Variants in OR51C1 observed in about 807,000 individuals in gnomAD.
OR51C1 encodes the protein olfactory receptor family 51 subfamily C member 1, also known as olfactory receptor OR51C1.
chr11:4,692,268 T>A, the OR51C1 span: 1 of 360,862 alleles, frequency 2.8e-6, no homozygotes, highest in Non-Finnish European at 5.5e-6. Context: ...GACAAATAAA[T>A]GGCTTCAGCA....
chr11:4,693,171 C>T, the OR51C1 span, among the ~76,000 whole-genome samples: 1 of 152,152 alleles, frequency 6.6e-6, no homozygotes, highest in Non-Finnish European at 1.5e-5. Context: ...TTGATTTGGT[C>T]ATTCCACAAT....
the OR51C1 span, among the ~76,000 whole-genome samples, chr11:4,693,873 C>T: frequency 2.5e-3 from 381 of 152,234 alleles, 1 homozygote; most frequent in Non-Finnish European, 4.2e-3. Context: ...AAATAAAACC[C>T]CACTTAGAGA....
chr11:4,696,379 A>G, the OR51C1 span, among the ~76,000 whole-genome samples: 1 of 152,200 alleles, frequency 6.6e-6, no homozygotes. Context: ...GTGTGCACAC[A>G]CATACCCTCC....
At chr11:4,694,801 G>T in the OR51C1 span, among the ~76,000 whole-genome samples, 5 of 152,142 alleles carry the variant, frequency 3.3e-5, no homozygotes, top group African/African-American at 1.2e-4. Context: ...ATAGTGTGGA[G>T]TGGCAGATTT....
chr11:4,696,791 T>A, the OR51C1 span, among the ~76,000 whole-genome samples: 1 of 152,340 alleles, frequency 6.6e-6, no homozygotes, highest in East Asian at 1.9e-4. Flanking sequence ...TGCACTATTA[T>A]AAGCTATAGC....
At chr11:4,697,673 G>T in the OR51C1 span, 2 of 152,622 alleles carry the variant, frequency 1.3e-5, no homozygotes, top group Non-Finnish European at 2.9e-5. Flanking sequence ...CAGCAGTTCG[G>T]CCTGTTCCTT....
At chr11:4,691,127 T>C in the OR51C1 span, 4 of 456,512 alleles carry the variant, frequency 8.8e-6, no homozygotes, top group African/African-American at 2.0e-5. Context: ...TTCTGGTGTC[T>C]GTGCATGAGA....
chr11:4,692,312 C>A, the OR51C1 span: 1 of 301,650 alleles, frequency 3.3e-6, no homozygotes, highest in East Asian at 8.3e-5. Context: ...CAATATGATA[C>A]CCGGCATCAT....
the OR51C1 span, among the ~76,000 whole-genome samples, chr11:4,693,475 A>C: frequency 6.6e-6 from 1 of 152,208 alleles, no homozygotes; most frequent in African/African-American, 2.4e-5. Context: ...TAGTCCCAGC[A>C]CTTTGGGAGG....
At chr11:4,692,726 A>G in the OR51C1 span, among the ~76,000 whole-genome samples, 2 of 152,058 alleles carry the variant, frequency 1.3e-5, no homozygotes, top group Non-Finnish European at 2.9e-5. Context: ...AGGAAAAGAA[A>G]GGGTGCTGGG....
chr11:4,697,102 G>T, the OR51C1 span, among the ~76,000 whole-genome samples: 1 of 152,080 alleles, frequency 6.6e-6, no homozygotes, highest in East Asian at 1.9e-4. Flanking sequence ...CATTTTTCTG[G>T]TAAAGACACT....
chr11:4,692,389 C>A, the OR51C1 span, among the ~76,000 whole-genome samples: 5 of 152,222 alleles, frequency 3.3e-5, no homozygotes, highest in African/African-American at 1.2e-4. Flanking sequence ...CTGCCCCCAC[C>A]TGATATAATG....
At chr11:4,693,423 TG>T in the OR51C1 span, among the ~76,000 whole-genome samples, 1 of 152,168 alleles carries the variant, frequency 6.6e-6, no homozygotes, top group South Asian at 2.1e-4. Flanking sequence ...GAACGGCATG[TG>T]TAAAAGTGTT....
At chr11:4,691,083 G>A in the OR51C1 span, 8 of 456,684 alleles carry the variant, frequency 1.8e-5, no homozygotes, top group Admixed American at 4.7e-5. Flanking sequence ...ACCAACAGTA[G>A]AGAACATGGC....
chr11:4,691,871 A>T, the OR51C1 span, among the ~76,000 whole-genome samples: 3 of 152,232 alleles, frequency 2.0e-5, no homozygotes, highest in African/African-American at 7.2e-5. Context: ...GTCAGATTTC[A>T]ACTGCTGTAG....
the OR51C1 span, among the ~76,000 whole-genome samples, chr11:4,693,740 CA>C: frequency 6.6e-6 from 1 of 152,072 alleles, no homozygotes. Flanking sequence ...AACAAACAAA[CA>C]AAAAACTGTT....
chr11:4,693,491 G>A, the OR51C1 span, among the ~76,000 whole-genome samples: 2 of 152,208 alleles, frequency 1.3e-5, no homozygotes, highest in African/African-American at 4.8e-5. Flanking sequence ...GGAGGCCGAG[G>A]TGGGCGGATC....
the OR51C1 span, chr11:4,690,898 G>T: frequency 2.2e-6 from 1 of 456,452 alleles, no homozygotes; most frequent in Non-Finnish European, 4.4e-6. Context: ...GCTGGGGCTT[G>T]TTTCCCAAAT....
chr11:4,693,068 T>C, the OR51C1 span, among the ~76,000 whole-genome samples: 1 of 152,152 alleles, frequency 6.6e-6, no homozygotes, highest in Admixed American at 6.5e-5. Context: ...AGTTAATGTA[T>C]AGTATATTTC....
Sources: gnomAD v4.1 joint callset for allele counts (sites outside exome capture counted in the v4.1 genomes callset) on GRCh38, gnomAD v4.1.1 for gene constraint, MANE v1.5 for transcripts, NCBI Gene and HGNC (gene_info 2026-07-23, HGNC 2026-07-21) for gene names.